The following DNM3 variants were observed in gnomAD, a reference collection of about 807,000 sequenced individuals.
The protein encoded by DNM3 is dynamin 3.
Under a neutral mutation model 101.6 loss-of-function variants are expected in DNM3, and 47 were observed. The observed-to-expected ratio is 0.46, with a 90% CI of 0.37 to 0.59. The LOEUF (loss-of-function observed/expected upper bound fraction) is 0.59. Among genes scored for constraint, DNM3 ranks in the 20% least tolerant of loss-of-function variants. The pLI is 0.00. For synonymous variants in DNM3, 385 were observed against 387.9 expected (o/e 0.99, Z 0.09); for missense variants, 849 against 1,085.7 (o/e 0.78, Z 3.06).
intron 10 of DNM3, among the ~76,000 whole-genome samples, chr1:172,064,032 T>C (rs560170228): frequency 6.6e-6 from 1 of 152,312 alleles, no homozygotes; most frequent in South Asian, 2.1e-4. Flanking sequence ...ATGTGGTTTC[T>C]AATATCAGGT....
chr1:172,345,582 A>G (rs74871349), intron 17 of DNM3, among the ~76,000 whole-genome samples: 153 of 152,348 alleles, frequency 1.0e-3, no homozygotes, highest in African/African-American at 3.6e-3. Flanking sequence ...ACACATATGC[A>G]CACACACTGT....
intron 10 of DNM3, among the ~76,000 whole-genome samples, chr1:172,066,930 A>ATC (rs773258323): frequency 1.2e-4 from 17 of 145,030 alleles, no homozygotes; most frequent in Admixed American, 1.0e-3. Context: ...TTAGGTTGAG[A>ATC]TCTCTCTCTC....
At chr1:172,125,975 T>C (rs2056598789) in intron 13 of DNM3, among the ~76,000 whole-genome samples, 1 of 152,218 alleles carries the variant, frequency 6.6e-6, no homozygotes. Context: ...TTTTCTTTTC[T>C]TTTTATTAAT....
intron 1 of DNM3, among the ~76,000 whole-genome samples, chr1:171,847,888 C>CTG (rs1273322867): frequency 1.6e-3 from 109 of 69,616 alleles, no homozygotes; most frequent in Middle Eastern, 7.9e-3. Flanking sequence ...TACTCTCTCT[C>CTG]TCTCTCTCTG....
At chr1:171,971,602 G>A (rs753817513) in intron 2 of DNM3, among the ~76,000 whole-genome samples, 1 of 151,964 alleles carries the variant, frequency 6.6e-6, no homozygotes, top group Non-Finnish European at 1.5e-5. Context: ...CCAATTGAAA[G>A]GATATATTAC....
chr1:171,878,955 C>A (rs12024000), intron 1 of DNM3, among the ~76,000 whole-genome samples: 1 of 152,062 alleles, frequency 6.6e-6, no homozygotes, highest in Admixed American at 6.5e-5. Flanking sequence ...TTATTCCAAC[C>A]TGTAGAAATT....
chr1:172,188,186 T>G (rs966934910), intron 14 of DNM3, among the ~76,000 whole-genome samples: 1 of 152,138 alleles, frequency 6.6e-6, no homozygotes, highest in African/African-American at 2.4e-5. Flanking sequence ...CAATTTGTCT[T>G]GGCAATTCTG....
chr1:171,996,988 C>T lies in DNM3; in HGVS notation c.589+7840C>T, dbSNP rs144510836. On this transcript the variant is annotated intron_variant, in intron 4 of 20. Transcript: ENST00000627582. ...TTGAGGCTGTGGTGAGCTGTGATCACGCTACTGCACTCCAGCCTAGGTGAC... is the reference window on the plus strand; with the variant it reads ...TTGAGGCTGTGGTGAGCTGTGATCATGCTACTGCACTCCAGCCTAGGTGAC... Among the ~76,000 whole-genome samples the T allele has an allele frequency of 3.3e-3, 498 of 151,894 alleles. 4 individuals carry two copies. Among genetic ancestry groups the T allele is most frequent in the African/African-American group, 0.011 (472 of 41,434 alleles).
intron 10 of DNM3, among the ~76,000 whole-genome samples, chr1:172,052,496 A>G (rs1303458172): frequency 6.6e-6 from 1 of 152,106 alleles, no homozygotes; most frequent in African/African-American, 2.4e-5. Flanking sequence ...TATGCTTTGC[A>G]TCTTTACTGT....
At chr1:172,320,204 G>A (rs550901787) in intron 16 of DNM3, among the ~76,000 whole-genome samples, 12 of 150,678 alleles carry the variant, frequency 8.0e-5, no homozygotes, top group Admixed American at 4.0e-4. Context: ...GACACAGGAA[G>A]GGGAACATCA....
chr1:172,056,347 C>G (rs1269849590), intron 10 of DNM3, among the ~76,000 whole-genome samples: 2 of 152,202 alleles, frequency 1.3e-5, no homozygotes, highest in Non-Finnish European at 2.9e-5. Flanking sequence ...CACCACAGCT[C>G]AAGGAGGCCT....
intron 15 of DNM3, among the ~76,000 whole-genome samples, chr1:172,274,762 A>G (rs577785369): frequency 6.7e-6 from 1 of 149,180 alleles, no homozygotes; most frequent in African/African-American, 2.5e-5. Flanking sequence ...CTTGCAGATC[A>G]ATGCAAGGTC....
intron 4 of DNM3, among the ~76,000 whole-genome samples, chr1:172,026,618 C>A (rs2048222602): frequency 6.6e-6 from 1 of 151,490 alleles, no homozygotes; most frequent in African/African-American, 2.4e-5. Context: ...TCTACAGAAA[C>A]CCTACAAGCC....
chr1:172,270,219 T>G (rs892358307), intron 15 of DNM3, among the ~76,000 whole-genome samples: 2 of 150,638 alleles, frequency 1.3e-5, no homozygotes, highest in African/African-American at 4.9e-5. Context: ...ATCCTGACAT[T>G]ACTAAAGTAA....
intron 2 of DNM3, among the ~76,000 whole-genome samples, chr1:171,937,744 A>AT (rs2041538665): frequency 7.7e-6 from 1 of 129,772 alleles, no homozygotes; most frequent in South Asian, 2.7e-4. Flanking sequence ...TAATTTTTCT[A>AT]TTTTTTGTAC....
chr1:172,179,174 T>A (rs2059259349), intron 14 of DNM3, among the ~76,000 whole-genome samples: 1 of 151,926 alleles, frequency 6.6e-6, no homozygotes. Flanking sequence ...AATTTTTTGT[T>A]TATTATTAGT....
intron 15 of DNM3, among the ~76,000 whole-genome samples, chr1:172,292,095 G>A (rs1187186356): frequency 1.3e-5 from 2 of 152,088 alleles, no homozygotes; most frequent in Admixed American, 1.3e-4. Flanking sequence ...AGGACCTAAA[G>A]GCAGTGGAAA....
In DNM3 at chr1:171,965,331, C is replaced by T. The variant is rs187223289; in HGVS notation, c.236-22325C>T. ...TCTGAGGTGGGTGGATTGCTTGAGG[C>T]CAAGAGTTTGAGACCAGCCCATGCA... On this transcript the variant is annotated intron_variant, in intron 2 of 20. Coordinates refer to ENST00000627582, the MANE Select transcript of DNM3 (RefSeq NM_015569.5). 4.6e-4 allele frequency among the ~76,000 whole-genome samples: 70 copies of T among 151,410 alleles called. No individual in the cohort carries two copies. The East Asian group carries it at 0.013, about 27-fold the overall frequency.
rs143045590 is a variant in DNM3, at chr1:172,271,617, ATCT to A, written c.1769+17943_1769+17945del. ...TTTTAATAGCCTTTTAAAATTGTGG[ATCT>A]TCTTCTTTGATATTCCACCAAAACT... On this transcript the variant is annotated intron_variant, in intron 15 of 20. Coordinates refer to ENST00000627582, the MANE Select transcript of DNM3 (RefSeq NM_015569.5). Among the ~76,000 whole-genome samples the A allele has an allele frequency of 4.8e-3, 724 of 152,212 alleles. 2 individuals are homozygous for A. The highest frequency in any genetic ancestry group is 0.016 in the African/African-American group (684 of 41,548).
Sources: gnomAD v4.1 joint callset for allele counts (sites outside exome capture counted in the v4.1 genomes callset) on GRCh38, gnomAD v4.1.1 for gene constraint, MANE v1.5 for transcripts, NCBI Gene and HGNC (gene_info 2026-07-23, HGNC 2026-07-21) for gene names.